Variants in TAFA2 observed in about 807,000 individuals in gnomAD.
TAFA2 encodes the protein chemokine-like protein TAFA-2.
In TAFA2, 7 loss-of-function variants were observed where a neutral mutation model predicts 18.8. The observed-to-expected ratio is 0.37, with a 90% CI of 0.21 to 0.70. The LOEUF (loss-of-function observed/expected upper bound fraction) is 0.70, where lower values mean the gene tolerates loss of function less well. TAFA2 is among the 30% of genes least tolerant of loss of function. The probability of loss-of-function intolerance (pLI) is 0.53; values close to 1 mark genes in which losing one functional copy is unlikely to be tolerated. For missense variants in TAFA2, 122 were observed against 158.1 expected (o/e 0.77, Z 1.23); for synonymous variants, 60 against 54.2 (o/e 1.11, Z -0.47).
At chr12:61,962,213 AATTT>A (rs1878911195) in intron 1 of TAFA2, among the ~76,000 whole-genome samples, 1 of 152,026 alleles carries the variant, frequency 6.6e-6, no homozygotes, top group Non-Finnish European at 1.5e-5. Context: ...CCTGAAAAGT[AATTT>A]ATTTAAGTAT....
chr12:61,919,348 C>G lies in TAFA2; in HGVS notation c.-1-51922G>C, dbSNP rs562051031. ...CCCCTGCATTCTCACTGCCATTTCT[C>G]TTGCTTAGTCCCTCTCATATGTTAC... On this transcript the variant is annotated intron_variant, in intron 1 of 4. Coordinates refer to ENST00000416284, the MANE Select transcript of TAFA2 (RefSeq NM_178539.5). Among the ~76,000 whole-genome samples the G allele has an allele frequency of 3.3e-4, 51 of 152,278 alleles. 1 individual carries two copies. The highest frequency in any genetic ancestry group is 1.0e-3 in the South Asian group (5 of 4,824).
chr12:61,733,606 G>A (rs1444798015), intron 4 of TAFA2, among the ~76,000 whole-genome samples: 2 of 146,908 alleles, frequency 1.4e-5, no homozygotes, highest in African/African-American at 5.0e-5. Context: ...TATTTCTGAG[G>A]GCTCTGTTCT....
intron 1 of TAFA2, among the ~76,000 whole-genome samples, chr12:62,026,047 A>G (rs1881302081): frequency 6.6e-6 from 1 of 152,160 alleles, no homozygotes; most frequent in African/African-American, 2.4e-5. Flanking sequence ...GATCGTTAAT[A>G]ATTTAAATTC....
chr12:62,040,869 A>T (rs1356515676), intron 1 of TAFA2, among the ~76,000 whole-genome samples: 2 of 152,136 alleles, frequency 1.3e-5, no homozygotes, highest in African/African-American at 4.8e-5. Flanking sequence ...TTTCACAGAA[A>T]CTTCCTAAAC....
chr12:61,847,157 C>G (rs1873441770), intron 2 of TAFA2, among the ~76,000 whole-genome samples: 1 of 152,166 alleles, frequency 6.6e-6, no homozygotes, highest in Non-Finnish European at 1.5e-5. Context: ...TTAAGAAGAA[C>G]TTTTCTGTAT....
chr12:61,901,793 T>C (rs1408502761), intron 1 of TAFA2, among the ~76,000 whole-genome samples: 1 of 152,206 alleles, frequency 6.6e-6, no homozygotes, highest in Non-Finnish European at 1.5e-5. Flanking sequence ...TTTTTGATTG[T>C]ATACCATGCC....
At chr12:62,152,458 G>T (rs2062335145) in intron 1 of TAFA2, among the ~76,000 whole-genome samples, 2 of 152,200 alleles carry the variant, frequency 1.3e-5, no homozygotes, top group South Asian at 4.1e-4. Context: ...TGGATTGATT[G>T]CCTGTGGCAT....
intron 2 of TAFA2, among the ~76,000 whole-genome samples, chr12:61,830,188 ATATATGTATATGGTATG>A (rs995876311): frequency 8.0e-5 from 12 of 150,734 alleles, no homozygotes; most frequent in African/African-American, 2.9e-4. Context: ...AATGCTATAT[ATATATGTATATGGTATG>A]TATATGTATA....
At chr12:62,157,437 A>C (rs953289467) in intron 1 of TAFA2, among the ~76,000 whole-genome samples, 1 of 152,210 alleles carries the variant, frequency 6.6e-6, no homozygotes, top group African/African-American at 2.4e-5. Context: ...TTGAACATGC[A>C]TGGTGTCAGA....
chr12:61,846,217 G>C (rs1475992327), intron 2 of TAFA2, among the ~76,000 whole-genome samples: 2 of 152,018 alleles, frequency 1.3e-5, no homozygotes, highest in African/African-American at 4.8e-5. Context: ...CTGTATGTCT[G>C]GTATACCAGA....
chr12:62,159,805 T>C (rs1249675332), intron 1 of TAFA2, among the ~76,000 whole-genome samples: 1 of 152,186 alleles, frequency 6.6e-6, no homozygotes, highest in Non-Finnish European at 1.5e-5. Context: ...AAATCACCAC[T>C]AAAGAGCTTA....
chr12:61,980,665 A>G (rs1879600881), intron 1 of TAFA2, among the ~76,000 whole-genome samples: 1 of 152,194 alleles, frequency 6.6e-6, no homozygotes, highest in Non-Finnish European at 1.5e-5. Context: ...CACCATTAAC[A>G]GACAAACGGA....
At chr12:62,148,804 A>G (rs1469084402) in intron 1 of TAFA2, among the ~76,000 whole-genome samples, 2 of 152,190 alleles carry the variant, frequency 1.3e-5, no homozygotes, top group East Asian at 3.9e-4. Flanking sequence ...TAACCGGTAT[A>G]CTCAATTGGA....
chr12:62,063,201 C>T (rs1276349703), intron 1 of TAFA2, among the ~76,000 whole-genome samples: 1 of 152,132 alleles, frequency 6.6e-6, no homozygotes, highest in Non-Finnish European at 1.5e-5. Context: ...CTATGGTGGT[C>T]CTTCAGCATG....
intron 1 of TAFA2, among the ~76,000 whole-genome samples, chr12:62,162,680 A>C (rs1009210495): frequency 6.6e-6 from 1 of 152,164 alleles, no homozygotes; most frequent in African/African-American, 2.4e-5. Flanking sequence ...CTCTGGCCCC[A>C]ACTAGTCTGC....
intron 1 of TAFA2, among the ~76,000 whole-genome samples, chr12:62,173,417 GA>G (rs923739804): frequency 6.7e-6 from 1 of 149,834 alleles, no homozygotes; most frequent in Non-Finnish European, 1.5e-5. Context: ...ATCTCAAAAA[GA>G]AAAAAAAATA....
intron 4 of TAFA2, among the ~76,000 whole-genome samples, chr12:61,712,102 G>C (rs1045513498): frequency 6.6e-6 from 1 of 151,850 alleles, no homozygotes; most frequent in Non-Finnish European, 1.5e-5. Context: ...GAGAGAGAGA[G>C]GAAATTGAGA....
intron 1 of TAFA2, among the ~76,000 whole-genome samples, chr12:62,233,781 T>A (rs1361517291): frequency 3.3e-5 from 5 of 152,174 alleles, no homozygotes; most frequent in African/African-American, 1.2e-4. Context: ...GTTCTTTTAA[T>A]CATGTCCACT....
At chr12:62,022,279 C>G in intron 1 of TAFA2, 1 of 219,442 alleles carries the variant, frequency 4.6e-6, no homozygotes. Context: ...AAGGCAACGG[C>G]AAGCCTTTGA....
Sources: allele counts gnomAD v4.1 joint callset (sites outside exome capture counted in the v4.1 genomes callset), GRCh38; gene constraint gnomAD v4.1.1; transcripts MANE v1.5; gene names NCBI Gene and HGNC (gene_info 2026-07-23, HGNC 2026-07-21).